The following CSMD1 variants were observed in gnomAD, a reference collection of about 807,000 sequenced individuals.
CSMD1 encodes the protein CUB and sushi domain-containing protein 1.
CSMD1 carries 213 observed loss-of-function variants against 417.5 expected under a neutral mutation model. That is an observed-to-expected ratio of 0.51 (90% CI 0.46 to 0.57). CSMD1 has a LOEUF of 0.57. Ranked by LOEUF, CSMD1 falls within the 20% of genes least tolerant of loss-of-function variation. The probability of loss-of-function intolerance (pLI) is 0.00; values close to 1 mark genes in which losing one functional copy is unlikely to be tolerated. For missense variants in CSMD1, 6,923 were observed against 4,529.7 expected, an observed-to-expected ratio of 1.53 and a Z score of -15.17; for synonymous variants, 2,862 against 1,736.8, an observed-to-expected ratio of 1.65 and a Z score of -16.11.
At position 4,837,330 on chromosome 8, in the gene CSMD1, A is replaced by T. The variant is rs149627397; in HGVS notation, c.85+157002T>A. Reference sequence around the variant, plus strand: ...GCTGCTGCACTGTTTACAATAGCAGAGATTTGGAAGCAACCTAAGTGTCCA... The same window carrying T: ...GCTGCTGCACTGTTTACAATAGCAGTGATTTGGAAGCAACCTAAGTGTCCA... On this transcript the variant is annotated intron_variant, in intron 1 of 69. Transcript: ENST00000635120. Among the ~76,000 whole-genome samples, 6 of 152,342 alleles carry T rather than the reference A, an allele frequency of 3.9e-5. No homozygotes were observed. The East Asian group carries it at 1.2e-3, about 29-fold the overall frequency.
chr8:4,093,464 G>C lies in CSMD1; in HGVS notation c.416-61365C>G, dbSNP rs564210242. Among the ~76,000 whole-genome samples the C allele has an allele frequency of 8.5e-5, 13 of 152,268 alleles. No individual in the cohort carries two copies. The South Asian group carries it at 2.7e-3, about 32-fold the overall frequency. ...CCTTGAATCTGAATATCTGAATTAA[G>C]ATATTAAATAGAAGTTACATAGATG... On this transcript the variant is annotated intron_variant, in intron 3 of 69. Transcript: ENST00000635120.
chr8:4,000,692 A>G (rs1400642198), intron 4 of CSMD1, among the ~76,000 whole-genome samples: 3 of 151,954 alleles, frequency 2.0e-5, no homozygotes, highest in Non-Finnish European at 4.4e-5. Context: ...TAAACATATC[A>G]CACACATTAA....
At chr8:4,622,466 C>G (rs1394646735) in intron 2 of CSMD1, among the ~76,000 whole-genome samples, 2 of 152,096 alleles carry the variant, frequency 1.3e-5, no homozygotes. Flanking sequence ...CTGCACAATG[C>G]TGACTGGCAC....
intron 5 of CSMD1, among the ~76,000 whole-genome samples, chr8:3,910,693 T>C (rs1236875304): frequency 6.6e-6 from 1 of 152,188 alleles, no homozygotes; most frequent in African/African-American, 2.4e-5. Context: ...CCCCTTTGTA[T>C]TTGCATATGC....
intron 3 of CSMD1, among the ~76,000 whole-genome samples, chr8:4,133,128 G>T (rs1015785158): frequency 6.6e-6 from 1 of 152,058 alleles, no homozygotes; most frequent in Non-Finnish European, 1.5e-5. Context: ...AGTAGAGAAG[G>T]GGTTTCACCA....
chr8:4,060,993 G>T (rs916598388), intron 3 of CSMD1, among the ~76,000 whole-genome samples: 6 of 152,102 alleles, frequency 3.9e-5, no homozygotes, highest in African/African-American at 1.2e-4. Context: ...TTGTGAGCAA[G>T]CAAAGCAAAA....
At chr8:4,755,714 T>G (rs1811625164) in intron 1 of CSMD1, among the ~76,000 whole-genome samples, 1 of 152,234 alleles carries the variant, frequency 6.6e-6, no homozygotes, top group Admixed American at 6.5e-5. Context: ...TTTTGAATCT[T>G]GCTTCCGTTT....
At chr8:3,293,542 C>A (rs1044470867) in intron 25 of CSMD1, among the ~76,000 whole-genome samples, 1 of 151,998 alleles carries the variant, frequency 6.6e-6, no homozygotes, top group Non-Finnish European at 1.5e-5. Flanking sequence ...TTCTTTTTTT[C>A]TCTAAACTTC....
chr8:4,236,137 C>T (rs1802044485), intron 3 of CSMD1, among the ~76,000 whole-genome samples: 1 of 147,774 alleles, frequency 6.8e-6, no homozygotes, highest in Non-Finnish European at 1.5e-5. Context: ...ATAAAAACAC[C>T]GTATGTTATC....
At chr8:4,890,633 C>T (rs887631819) in intron 1 of CSMD1, among the ~76,000 whole-genome samples, 9 of 151,896 alleles carry the variant, frequency 5.9e-5, no homozygotes, top group African/African-American at 2.2e-4. Context: ...TCCTCACAGC[C>T]ATGGGCATCC....
chr8:3,260,299 G>T (rs958263301), intron 26 of CSMD1, among the ~76,000 whole-genome samples: 1 of 152,090 alleles, frequency 6.6e-6, no homozygotes, highest in African/African-American at 2.4e-5. Flanking sequence ...CGCCACCTCT[G>T]TGAGGCTCCC....
At chr8:4,365,193 T>G (rs1801993490) in intron 3 of CSMD1, among the ~76,000 whole-genome samples, 1 of 152,180 alleles carries the variant, frequency 6.6e-6, no homozygotes, top group Non-Finnish European at 1.5e-5. Context: ...CAATAAATAT[T>G]TGCACCTTGT....
At chr8:3,190,560 G>T (rs1296616063) in intron 33 of CSMD1, among the ~76,000 whole-genome samples, 3 of 152,056 alleles carry the variant, frequency 2.0e-5, no homozygotes, top group Non-Finnish European at 4.4e-5. Context: ...CCATATGAAG[G>T]ATTTGTTATA....
chr8:4,352,363 C>G (rs1303705193), intron 3 of CSMD1, among the ~76,000 whole-genome samples: 1 of 152,162 alleles, frequency 6.6e-6, no homozygotes, highest in African/African-American at 2.4e-5. Context: ...TCAGATAATT[C>G]ACAAACAGCA....
At chr8:3,782,126 T>A (rs995064381) in intron 5 of CSMD1, among the ~76,000 whole-genome samples, 5 of 152,214 alleles carry the variant, frequency 3.3e-5, no homozygotes, top group South Asian at 2.1e-4. Flanking sequence ...AGGGGTCATA[T>A]AATTTCTTTT....
chr8:4,418,755 T>C (rs1797086887), intron 3 of CSMD1, among the ~76,000 whole-genome samples: 1 of 146,334 alleles, frequency 6.8e-6, no homozygotes, highest in Non-Finnish European at 1.5e-5. Flanking sequence ...CCACTGATCT[T>C]CAATTAGCCT....
intron 3 of CSMD1, among the ~76,000 whole-genome samples, chr8:4,113,990 C>A (rs567220019): frequency 6.6e-6 from 1 of 152,158 alleles, no homozygotes; most frequent in Non-Finnish European, 1.5e-5. Context: ...CAGCAAATGT[C>A]AATGTAGAAG....
intron 49 of CSMD1, among the ~76,000 whole-genome samples, chr8:3,083,443 C>G (rs1194623680): frequency 6.7e-6 from 1 of 149,938 alleles, no homozygotes; most frequent in East Asian, 2.0e-4. Flanking sequence ...CTTTTCGAAT[C>G]TATAATTTTT....
chr8:4,243,618 C>T (rs995717858), intron 3 of CSMD1, among the ~76,000 whole-genome samples: 3 of 152,004 alleles, frequency 2.0e-5, no homozygotes, highest in African/African-American at 2.4e-5. Flanking sequence ...CCTTAACCAC[C>T]GAAAACACAG....
Sources: allele counts gnomAD v4.1 joint callset (sites outside exome capture counted in the v4.1 genomes callset), GRCh38; gene constraint gnomAD v4.1.1; transcripts MANE v1.5; gene names NCBI Gene and HGNC (gene_info 2026-07-23, HGNC 2026-07-21).